The following PTCSC3 variants were observed in gnomAD, a reference collection of about 807,000 sequenced individuals.
The protein encoded by PTCSC3 is papillary thyroid carcinoma susceptibility candidate 3, also known as papillary thyroid carcinoma susceptibility candidate 3 (non-protein coding).
At chr14:36,158,886 A>T (rs1881886596) in intron 2 of PTCSC3, among the ~76,000 whole-genome samples, 1 of 152,048 alleles carries the variant, frequency 6.6e-6, no homozygotes, top group African/African-American at 2.4e-5. Flanking sequence ...CTAGTCCTTG[A>T]ATTTTTTTGG....
intron 1 of PTCSC3, among the ~76,000 whole-genome samples, chr14:36,165,862 A>AGGG (rs1882076068): frequency 6.6e-6 from 1 of 151,802 alleles, no homozygotes; most frequent in African/African-American, 2.4e-5. Flanking sequence ...CAATTTTGTT[A>AGGG]GGGCTTTTTG....
At chr14:36,144,252 T>G (rs1193117225) in intron 3 of PTCSC3, among the ~76,000 whole-genome samples, 2 of 148,722 alleles carry the variant, frequency 1.3e-5, no homozygotes, top group Admixed American at 1.3e-4. Context: ...CCTTGGGCAG[T>G]ATGGCCATTT....
chr14:36,146,151 G>A (rs868561770), intron 3 of PTCSC3, among the ~76,000 whole-genome samples: 133 of 142,452 alleles, frequency 9.3e-4, no homozygotes, highest in African/African-American at 3.3e-3. Context: ...GATTTGGGGT[G>A]GAGAGTTCTG....
chr14:36,176,577 AC>A (rs1480533179), upstream of PTCSC3: 4 of 151,160 alleles, frequency 2.6e-5, no homozygotes, highest in African/African-American at 9.7e-5. Context: ...CCCCCTACCC[AC>A]CCCTGCCAGT....
intron 2 of PTCSC3, among the ~76,000 whole-genome samples, chr14:36,159,167 A>C (rs1448548207): frequency 7.0e-6 from 1 of 142,724 alleles, no homozygotes; most frequent in Non-Finnish European, 1.5e-5. Context: ...CTACTGGTCT[A>C]TTTTGTTGAT....
chr14:36,138,900 A>G (rs1454749871), intron 3 of PTCSC3, among the ~76,000 whole-genome samples: 1 of 152,054 alleles, frequency 6.6e-6, no homozygotes, highest in Non-Finnish European at 1.5e-5. Context: ...CAGGCGGATC[A>G]CGAGGAGTTC....
intron 3 of PTCSC3, among the ~76,000 whole-genome samples, chr14:36,137,513 CACA>C (rs1881314749): frequency 6.6e-6 from 1 of 152,088 alleles, no homozygotes; most frequent in South Asian, 2.1e-4. Flanking sequence ...GGGAGGCTCT[CACA>C]ACAATCCAGT....
downstream of PTCSC3, among the ~76,000 whole-genome samples, chr14:36,135,805 G>A (rs1177150059): frequency 1.3e-5 from 2 of 151,862 alleles, no homozygotes; most frequent in East Asian, 3.9e-4. Flanking sequence ...CCCAATCAAT[G>A]TCTTTTGCCC....
At chr14:36,151,977 A>C (rs906218418) in intron 3 of PTCSC3, among the ~76,000 whole-genome samples, 11 of 152,146 alleles carry the variant, frequency 7.2e-5, no homozygotes, top group African/African-American at 2.7e-4. Flanking sequence ...TTTCATTGTG[A>C]TTTGTAACTG....
intron 3 of PTCSC3, among the ~76,000 whole-genome samples, chr14:36,152,619 G>A (rs1169129): frequency 0.46 from 70,127 of 152,042 alleles, 18,160 homozygotes; most frequent in Non-Finnish European, 0.59. Flanking sequence ...AAAACGAGGC[G>A]CAGTGGCTCA....
intron 2 of PTCSC3, among the ~76,000 whole-genome samples, chr14:36,161,295 G>T (rs1881951115): frequency 6.6e-6 from 1 of 152,158 alleles, no homozygotes; most frequent in African/African-American, 2.4e-5. Context: ...TGGAGGAGGT[G>T]AGGCATTCTG....
intron 2 of PTCSC3, among the ~76,000 whole-genome samples, chr14:36,161,155 G>A (rs956299440): frequency 6.6e-6 from 1 of 152,038 alleles, no homozygotes; most frequent in African/African-American, 2.4e-5. Context: ...TCCTTGCATT[G>A]GGTTAGAACA....
intron 3 of PTCSC3, among the ~76,000 whole-genome samples, chr14:36,152,662 G>T (rs770072666): frequency 4.6e-5 from 7 of 152,174 alleles, no homozygotes; most frequent in Non-Finnish European, 1.0e-4. Flanking sequence ...GGAGGTCGAG[G>T]CAGGCAGATC....
At chr14:36,142,105 T>G (rs567826513) in intron 3 of PTCSC3, among the ~76,000 whole-genome samples, 68 of 152,324 alleles carry the variant, frequency 4.5e-4, no homozygotes, top group Non-Finnish European at 4.4e-5. Context: ...ATTCCTTATC[T>G]TAGGCAGAAA....
intron 3 of PTCSC3, among the ~76,000 whole-genome samples, chr14:36,150,706 C>G (rs1881701744): frequency 6.6e-6 from 1 of 151,872 alleles, no homozygotes; most frequent in Non-Finnish European, 1.5e-5. Flanking sequence ...ATTTTTAGGC[C>G]TTGACCTAGA....
At chr14:36,164,600 A>G (rs1351464441) in intron 1 of PTCSC3, among the ~76,000 whole-genome samples, 2 of 151,898 alleles carry the variant, frequency 1.3e-5, no homozygotes, top group Non-Finnish European at 2.9e-5. Context: ...TTTATTTTTT[A>G]TAAAACAACT....
chr14:36,160,668 T>C (rs1177644423), intron 2 of PTCSC3, among the ~76,000 whole-genome samples: 2 of 152,146 alleles, frequency 1.3e-5, no homozygotes, highest in Non-Finnish European at 2.9e-5. Flanking sequence ...TTTCCTTCAT[T>C]TCAACCTTGG....
At chr14:36,143,577 G>A (rs1881478998) in intron 3 of PTCSC3, among the ~76,000 whole-genome samples, 2 of 148,752 alleles carry the variant, frequency 1.3e-5, no homozygotes, top group South Asian at 2.2e-4. Flanking sequence ...CAGATGAGTA[G>A]GTTGCGAAAA....
intron 1 of PTCSC3, among the ~76,000 whole-genome samples, chr14:36,171,943 C>G (rs932635131): frequency 1.3e-5 from 2 of 152,168 alleles, no homozygotes; most frequent in East Asian, 3.8e-4. Flanking sequence ...CTTGTTCTTT[C>G]TCTCCAACTA....
Sources: allele counts gnomAD v4.1 joint callset (sites outside exome capture counted in the v4.1 genomes callset), GRCh38; gene constraint gnomAD v4.1.1; transcripts MANE v1.5; gene names NCBI Gene and HGNC (gene_info 2026-07-23, HGNC 2026-07-21).